MNAT1: variants seen among roughly 807,000 people sequenced by gnomAD.
MNAT1 encodes the protein MNAT1 component of CDK activating kinase.
MNAT1 carries 43 observed loss-of-function variants against 42.0 expected under a neutral mutation model. That is an observed-to-expected ratio of 1.02 (90% CI 0.80 to 1.32). The LOEUF is 1.32. MNAT1 is among the 40% of genes most tolerant of loss of function. The pLI is 0.00. For missense variants in MNAT1, 306 were observed against 350.4 expected (o/e 0.87, Z 1.01); for synonymous variants, 118 against 120.0 (o/e 0.98, Z 0.11).
At chr14:60,880,080 T>C (rs938695746) in intron 7 of MNAT1, 2 of 270,394 alleles carry the variant, frequency 7.4e-6, no homozygotes, top group African/African-American at 4.4e-5. Flanking sequence ...GGCAGCCATA[T>C]TGAAATGGCG....
intron 6 of MNAT1, among the ~76,000 whole-genome samples, chr14:60,877,737 G>C (rs146265115): frequency 1.3e-5 from 2 of 151,958 alleles, no homozygotes; most frequent in African/African-American, 4.8e-5. Context: ...CTATGCCCAC[G>C]TGGATGATAG....
At chr14:60,938,568 G>C (rs945305851) in intron 7 of MNAT1, among the ~76,000 whole-genome samples, 1 of 152,180 alleles carries the variant, frequency 6.6e-6, no homozygotes, top group Admixed American at 6.5e-5. Context: ...TGCATCCCAG[G>C]AATGAAGCCC....
chr14:60,788,623 TTAGA>T (rs377736237), intron 1 of MNAT1, among the ~76,000 whole-genome samples: 78 of 152,310 alleles, frequency 5.1e-4, no homozygotes, highest in African/African-American at 1.8e-3. Context: ...CATCATTATC[TTAGA>T]TAGATATTAT....
chr14:60,884,956 C>G (rs2034630730), intron 7 of MNAT1, among the ~76,000 whole-genome samples: 1 of 152,006 alleles, frequency 6.6e-6, no homozygotes, highest in Non-Finnish European at 1.5e-5. Context: ...GTTTGCAGAA[C>G]ATTTTCACCG....
At chr14:60,858,297 G>C (rs1219023632) in intron 6 of MNAT1, among the ~76,000 whole-genome samples, 2 of 151,984 alleles carry the variant, frequency 1.3e-5, no homozygotes, top group African/African-American at 4.8e-5. Context: ...TCTCATTGTG[G>C]TTTTGATTTG....
At chr14:60,943,881 A>G (rs1220413984) in intron 7 of MNAT1, among the ~76,000 whole-genome samples, 1 of 152,206 alleles carries the variant, frequency 6.6e-6, no homozygotes, top group Non-Finnish European at 1.5e-5. Context: ...AGGATTAATT[A>G]TAACCGAAGC....
At chr14:60,872,859 CACACACACACAT>C (rs1040107922) in intron 6 of MNAT1, among the ~76,000 whole-genome samples, 10 of 147,202 alleles carry the variant, frequency 6.8e-5, no homozygotes, top group African/African-American at 7.9e-5. Context: ...CACACACACA[CACACACACACAT>C]ATATATATGC....
intron 6 of MNAT1, among the ~76,000 whole-genome samples, chr14:60,853,739 A>C (rs991261842): frequency 5.3e-5 from 8 of 152,220 alleles, no homozygotes; most frequent in African/African-American, 1.7e-4. Context: ...TAGTTTATTG[A>C]AAGTTTTTAG....
intron 7 of MNAT1, among the ~76,000 whole-genome samples, chr14:60,958,918 C>T (rs1475996771): frequency 6.6e-6 from 1 of 152,132 alleles, no homozygotes; most frequent in Non-Finnish European, 1.5e-5. Flanking sequence ...GGATTACAGG[C>T]GTGAGCCACT....
rs759491088 is a variant in MNAT1, at chr14:60,898,132, TGTGTGTGTGCGC to T, written c.809+18299_809+18310del. Among the ~76,000 whole-genome samples the T allele has an allele frequency of 2.4e-3, 242 of 99,616 alleles. 1 individual carries two copies. Among genetic ancestry groups the T allele is most frequent in the African/African-American group, 8.6e-3 (231 of 26,982 alleles). The allele number at this position is 99,616 out of a possible 152,430, so 65.4% of individuals were successfully genotyped here. On this transcript the variant is annotated intron_variant, in intron 7 of 7. Coordinates refer to ENST00000261245, the MANE Select transcript of MNAT1 (RefSeq NM_002431.4). The stretch of plus-strand genomic sequence containing the variant: ...GTGTGTGTGTGTGTGTGTGTGTGTG[TGTGTGTGTGCGC>T]GCGCCACATTTTTTTAATCCATTTG...
intron 1 of MNAT1, among the ~76,000 whole-genome samples, chr14:60,788,666 C>G (rs910303931): frequency 6.6e-6 from 1 of 152,188 alleles, no homozygotes; most frequent in African/African-American, 2.4e-5. Flanking sequence ...TCCATATCAG[C>G]ACTTGCTGCT....
At chr14:60,888,544 G>A (rs1458507278) in intron 7 of MNAT1, among the ~76,000 whole-genome samples, 1 of 151,748 alleles carries the variant, frequency 6.6e-6, no homozygotes, top group Admixed American at 6.6e-5. Flanking sequence ...GCACAAGACA[G>A]GGATGCCCTC....
intron 1 of MNAT1, among the ~76,000 whole-genome samples, chr14:60,737,051 A>G (rs1305527598): frequency 6.6e-6 from 1 of 152,182 alleles, no homozygotes; most frequent in Non-Finnish European, 1.5e-5. Context: ...AATTTTCTTA[A>G]TATGAACTCT....
chr14:60,886,116 A>T lies in MNAT1; in HGVS notation c.809+6281A>T, dbSNP rs571876448. Among the ~76,000 whole-genome samples the T allele has an allele frequency of 9.9e-5, 15 of 152,080 alleles. No homozygotes were observed. In the East Asian group the frequency reaches 2.7e-3, roughly 27 times the overall value. The stretch of plus-strand genomic sequence containing the variant: ...GGCTCCCTATTCTGTTCCAATGTGT[A>T]TATGTTTGTTTTTGTGTCAATACCA... On this transcript the variant is annotated intron_variant, in intron 7 of 7. Coordinates refer to ENST00000261245, the MANE Select transcript of MNAT1 (RefSeq NM_002431.4).
intron 1 of MNAT1, among the ~76,000 whole-genome samples, chr14:60,735,852 A>G (rs1160435283): frequency 6.6e-6 from 1 of 152,254 alleles, no homozygotes; most frequent in South Asian, 2.1e-4. Flanking sequence ...AAAAGGTGCC[A>G]TGTAATGGCG....
chr14:60,735,304 A>G (rs1026280164), intron 1 of MNAT1, among the ~76,000 whole-genome samples: 2 of 152,142 alleles, frequency 1.3e-5, no homozygotes, highest in South Asian at 2.1e-4. Context: ...TTCATATGAA[A>G]TGTTTTTATT....
chr14:60,915,035 A>T (rs904731875), intron 7 of MNAT1, among the ~76,000 whole-genome samples: 1 of 152,146 alleles, frequency 6.6e-6, no homozygotes, highest in Non-Finnish European at 1.5e-5. Context: ...GATTCTATGT[A>T]GGTTTGTTTT....
chr14:60,912,997 A>C (rs562898293), intron 7 of MNAT1, among the ~76,000 whole-genome samples: 7 of 152,226 alleles, frequency 4.6e-5, no homozygotes, highest in East Asian at 1.9e-4. Flanking sequence ...TCACATAGTC[A>C]CATATTTCTT....
At chr14:60,958,659 C>T (rs1309983848) in intron 7 of MNAT1, among the ~76,000 whole-genome samples, 3 of 80,020 alleles carry the variant, frequency 3.7e-5, no homozygotes, top group African/African-American at 1.4e-4. Context: ...TTTTTTGAGA[C>T]AGAGTCTCGC....
Sources: gnomAD v4.1 joint callset for allele counts (sites outside exome capture counted in the v4.1 genomes callset) on GRCh38, gnomAD v4.1.1 for gene constraint, MANE v1.5 for transcripts, NCBI Gene and HGNC (gene_info 2026-07-23, HGNC 2026-07-21) for gene names.